STK3: variants seen among roughly 807,000 people sequenced by gnomAD.
The protein encoded by STK3 is serine/threonine-protein kinase 3.
In STK3, 41 loss-of-function variants were observed where a neutral mutation model predicts 58.0. The ratio of observed to expected loss-of-function variants is 0.71; its 90% CI spans 0.55 to 0.92. The LOEUF (loss-of-function observed/expected upper bound fraction) is 0.92. Among genes scored for constraint, STK3 ranks in the 40% least tolerant of loss-of-function variants. STK3 has a pLI of 0.00. For synonymous variants in STK3, 170 were observed against 191.0 expected (o/e 0.89, Z 0.91); for missense variants, 479 against 602.7 (o/e 0.79, Z 2.15).
chr8:98,839,050 G>T (rs576833352), intron 3 of STK3, among the ~76,000 whole-genome samples: 103 of 79,282 alleles, frequency 1.3e-3, no homozygotes, highest in African/African-American at 3.3e-3. Flanking sequence ...TTTGATTTTT[G>T]GGGGGGGGCG....
chr8:98,708,946 G>A (rs975173985), intron 4 of STK3, among the ~76,000 whole-genome samples: 2 of 151,630 alleles, frequency 1.3e-5, no homozygotes, highest in African/African-American at 4.8e-5. Flanking sequence ...ATGGGAGCTG[G>A]TTGCCGAAAA....
At chr8:98,590,034 T>C (rs559432891) in intron 7 of STK3, among the ~76,000 whole-genome samples, 2 of 152,278 alleles carry the variant, frequency 1.3e-5, no homozygotes, top group South Asian at 2.1e-4. Flanking sequence ...GTACCTCAGA[T>C]GGAAATGCAG....
At chr8:98,592,411 A>G (rs894416785) in intron 7 of STK3, among the ~76,000 whole-genome samples, 5 of 152,160 alleles carry the variant, frequency 3.3e-5, no homozygotes, top group African/African-American at 1.2e-4. Flanking sequence ...CCATTCTTCT[A>G]CTTTTACATT....
chr8:98,906,989 TAAA>T (rs3085954), intron 1 of STK3, among the ~76,000 whole-genome samples: 3 of 94,758 alleles, frequency 3.2e-5, no homozygotes, highest in Non-Finnish European at 2.2e-5. Flanking sequence ...TCTCTACCAA[TAAA>T]AAAAAAAAAA....
chr8:98,418,466 C>T (rs1026345929), intron 3 of STK3, among the ~76,000 whole-genome samples: 5 of 152,096 alleles, frequency 3.3e-5, no homozygotes, highest in East Asian at 3.9e-4. Context: ...GGGATAGGTA[C>T]GTGGGTGGAT....
chr8:98,841,543 G>A (rs1200357231), intron 3 of STK3, among the ~76,000 whole-genome samples: 1 of 151,680 alleles, frequency 6.6e-6, no homozygotes, highest in Non-Finnish European at 1.5e-5. Flanking sequence ...AAAAAGTACA[G>A]GGTCTAGCAT....
intron 6 of STK3, among the ~76,000 whole-genome samples, chr8:98,656,351 G>T (rs1203326260): frequency 6.6e-6 from 1 of 152,020 alleles, no homozygotes; most frequent in Non-Finnish European, 1.5e-5. Context: ...GGGAGGTGGG[G>T]GGAGGGATAG....
rs556410267 is a variant in STK3, at chr8:98,551,289, C to A, written c.949-3128G>T. On this transcript the variant is annotated intron_variant, in intron 8 of 10. Coordinates refer to ENST00000419617, the MANE Select transcript of STK3 (RefSeq NM_006281.4). ...GACACTTCTGTATTCAATTTATGATCTCATATTGCAAGCAATTGTTTTGCA... is the reference window on the plus strand; with the variant it reads ...GACACTTCTGTATTCAATTTATGATATCATATTGCAAGCAATTGTTTTGCA... 8.5e-5 allele frequency among the ~76,000 whole-genome samples: 13 copies of A among 152,276 alleles called. No homozygotes were observed. The South Asian group carries it at 2.7e-3, about 32-fold the overall frequency.
chr8:98,629,851 C>T (rs929953400), intron 6 of STK3, among the ~76,000 whole-genome samples: 3 of 152,142 alleles, frequency 2.0e-5, no homozygotes. Context: ...ACCACTCAAT[C>T]TAAAACTACC....
chr8:98,716,103 G>T (rs1438745122), intron 4 of STK3, among the ~76,000 whole-genome samples: 2 of 152,122 alleles, frequency 1.3e-5, no homozygotes, highest in Non-Finnish European at 2.9e-5. Context: ...ATGGACACAG[G>T]AAGGGGAACA....
chr8:98,392,167 T>G (rs1340273511), upstream of STK3, among the ~76,000 whole-genome samples: 5 of 152,230 alleles, frequency 3.3e-5, no homozygotes, highest in Non-Finnish European at 7.3e-5. Flanking sequence ...ATTACTTGAC[T>G]TTCTCTTGCA....
chr8:98,900,115 C>T (rs929773346), intron 1 of STK3, among the ~76,000 whole-genome samples: 4 of 152,190 alleles, frequency 2.6e-5, no homozygotes, highest in East Asian at 1.9e-4. Flanking sequence ...CTCCCTCTGT[C>T]GCCCAGGCTG....
At chr8:98,434,685 G>A (rs138569264) in intron 2 of STK3, among the ~76,000 whole-genome samples, 370 of 152,320 alleles carry the variant, frequency 2.4e-3, no homozygotes, top group African/African-American at 8.4e-3. Context: ...ACCCGTGGAG[G>A]GGAAACAGAG....
chr8:98,473,986 C>T (rs1821118901), intron 10 of STK3, among the ~76,000 whole-genome samples: 1 of 152,118 alleles, frequency 6.6e-6, no homozygotes, highest in Non-Finnish European at 1.5e-5. Context: ...TATTGCAATA[C>T]TCAGTAAGTT....
intron 10 of STK3, among the ~76,000 whole-genome samples, chr8:98,486,956 T>A (rs1355722066): frequency 6.6e-6 from 1 of 152,194 alleles, no homozygotes; most frequent in Admixed American, 6.5e-5. Context: ...CATATATTTG[T>A]CTACTGCTGC....
At chr8:98,520,598 C>T (rs1825279701) in intron 10 of STK3, among the ~76,000 whole-genome samples, 1 of 151,892 alleles carries the variant, frequency 6.6e-6, no homozygotes, top group Non-Finnish European at 1.5e-5. Context: ...ATGAAGCCTT[C>T]TCTGTCCTGA....
chr8:98,867,370 C>T (rs934439774), intron 3 of STK3, among the ~76,000 whole-genome samples: 2 of 152,136 alleles, frequency 1.3e-5, no homozygotes, highest in African/African-American at 4.8e-5. Context: ...GCCGAGATCG[C>T]GCCCCTGCGT....
intron 3 of STK3, among the ~76,000 whole-genome samples, chr8:98,849,475 C>T (rs1836352196): frequency 6.6e-6 from 1 of 152,136 alleles, no homozygotes; most frequent in African/African-American, 2.4e-5. Flanking sequence ...AGACTTGCTG[C>T]ACTCCACTTC....
At chr8:98,866,743 AG>A (rs1837161461) in intron 3 of STK3, among the ~76,000 whole-genome samples, 1 of 152,352 alleles carries the variant, frequency 6.6e-6, no homozygotes, top group Non-Finnish European at 1.5e-5. Context: ...GATTGGGCAG[AG>A]GAAAAAGTGG....
Sources: gnomAD v4.1 joint callset for allele counts (sites outside exome capture counted in the v4.1 genomes callset) on GRCh38, gnomAD v4.1.1 for gene constraint, MANE v1.5 for transcripts, NCBI Gene and HGNC (gene_info 2026-07-23, HGNC 2026-07-21) for gene names.